The following CFAP299 variants were observed in gnomAD, a reference collection of about 807,000 sequenced individuals.
CFAP299 encodes cilia and flagella associated protein 299.
In CFAP299, 21 loss-of-function variants were observed where a neutral mutation model predicts 27.0. The ratio of observed to expected loss-of-function variants is 0.78; its 90% CI spans 0.55 to 1.12. The LOEUF (loss-of-function observed/expected upper bound fraction) is 1.12, where lower values mean the gene tolerates loss of function less well. CFAP299 is among the 50% of genes most tolerant of loss of function. The probability of loss-of-function intolerance (pLI) is 0.00; values close to 1 mark genes in which losing one functional copy is unlikely to be tolerated. For missense variants in CFAP299, 310 were observed against 276.6 expected, an observed-to-expected ratio of 1.12 and a Z score of -0.86; for synonymous variants, 104 against 98.1, an observed-to-expected ratio of 1.06 and a Z score of -0.36.
intron 1 of CFAP299, among the ~76,000 whole-genome samples, chr4:80,351,567 G>A (rs146544578): frequency 0.02 from 2,968 of 151,612 alleles, 67 homozygotes; most frequent in Admixed American, 0.069. Context: ...AAAGCAAATG[G>A]GACTAATAAG....
chr4:80,795,423 G>T (rs1727799972), intron 3 of CFAP299, among the ~76,000 whole-genome samples: 1 of 152,186 alleles, frequency 6.6e-6, no homozygotes, highest in Non-Finnish European at 1.5e-5. Flanking sequence ...GTCCTAGAAA[G>T]GGGCTGTAGT....
intron 2 of CFAP299, among the ~76,000 whole-genome samples, chr4:80,508,891 G>A (rs1732159423): frequency 6.6e-6 from 1 of 152,156 alleles, no homozygotes; most frequent in Admixed American, 6.5e-5. Context: ...GTGGAACACA[G>A]CTCTCCAGAC....
At chr4:80,394,522 A>G (rs1433460709) in intron 2 of CFAP299, among the ~76,000 whole-genome samples, 1 of 151,446 alleles carries the variant, frequency 6.6e-6, no homozygotes, top group Non-Finnish European at 1.5e-5. Context: ...GAAGCTTTTT[A>G]CCTATGTTTT....
intron 2 of CFAP299, among the ~76,000 whole-genome samples, chr4:80,412,284 T>TC (rs1491464484): frequency 6.6e-6 from 1 of 151,772 alleles, no homozygotes; most frequent in Non-Finnish European, 1.5e-5. Context: ...TTTTTTTTTT[T>TC]TGCTTATTAA....
chr4:80,924,534 GTGTGTA>G (rs1422145615), intron 4 of CFAP299, among the ~76,000 whole-genome samples: 96 of 132,042 alleles, frequency 7.3e-4, no homozygotes, highest in African/African-American at 3.0e-3. Flanking sequence ...GTGTGTGTGT[GTGTGTA>G]TATATATATA....
At chr4:80,697,544 T>C (rs1721185281) in intron 3 of CFAP299, among the ~76,000 whole-genome samples, 1 of 152,204 alleles carries the variant, frequency 6.6e-6, no homozygotes, top group Non-Finnish European at 1.5e-5. Flanking sequence ...GAATCAATTG[T>C]TCTTAATCTT....
At chr4:80,759,306 A>G (rs1225628266) in intron 3 of CFAP299, among the ~76,000 whole-genome samples, 4 of 152,228 alleles carry the variant, frequency 2.6e-5, no homozygotes, top group Non-Finnish European at 5.9e-5. Flanking sequence ...AATGTGTACA[A>G]TAACTACATG....
intron 2 of CFAP299, among the ~76,000 whole-genome samples, chr4:80,474,699 A>G (rs1245896607): frequency 1.3e-5 from 2 of 152,240 alleles, no homozygotes; most frequent in Admixed American, 1.3e-4. Context: ...TAGTAATACA[A>G]ATAATGAAAA....
intron 4 of CFAP299, among the ~76,000 whole-genome samples, chr4:80,935,239 T>A (rs1455644466): frequency 6.6e-6 from 1 of 151,964 alleles, no homozygotes; most frequent in African/African-American, 2.4e-5. Flanking sequence ...CTGTACTTGG[T>A]ATAATTGCAT....
At chr4:80,498,393 T>C (rs1000500033) in intron 2 of CFAP299, among the ~76,000 whole-genome samples, 1 of 151,812 alleles carries the variant, frequency 6.6e-6, no homozygotes, top group African/African-American at 2.4e-5. Context: ...CTTAAACAAA[T>C]TAACAAGCAA....
chr4:80,631,471 T>C (rs1739200518), intron 3 of CFAP299, among the ~76,000 whole-genome samples: 1 of 152,084 alleles, frequency 6.6e-6, no homozygotes. Context: ...ATTTTGGGAT[T>C]CCTGGTTGTT....
intron 3 of CFAP299, among the ~76,000 whole-genome samples, chr4:80,866,420 G>A (rs1453446388): frequency 2.0e-5 from 3 of 152,042 alleles, no homozygotes; most frequent in Admixed American, 1.3e-4. Context: ...CAGGCAGGCA[G>A]GGAGTCTCTG....
chr4:80,327,714 A>ATATATATG, the CFAP299 span, among the ~76,000 whole-genome samples: 1 of 137,492 alleles, frequency 7.3e-6, no homozygotes, highest in Non-Finnish European at 1.5e-5. Context: ...ATATATATAT[A>ATATATATG]TATATATAAC....
intron 2 of CFAP299, among the ~76,000 whole-genome samples, chr4:80,450,447 A>G (rs1459040237): frequency 6.6e-6 from 1 of 152,166 alleles, no homozygotes; most frequent in Non-Finnish European, 1.5e-5. Context: ...AAATGCTTGG[A>G]AGAATATTAT....
chr4:80,670,874 A>G (rs1264700994), intron 3 of CFAP299, among the ~76,000 whole-genome samples: 1 of 152,162 alleles, frequency 6.6e-6, no homozygotes, highest in African/African-American at 2.4e-5. Context: ...TGTTCTTTGT[A>G]GATTCTGGAT....
intron 3 of CFAP299, among the ~76,000 whole-genome samples, chr4:80,810,021 A>G (rs1191293601): frequency 1.3e-5 from 2 of 152,048 alleles, no homozygotes; most frequent in East Asian, 1.9e-4. Context: ...CATATTAATA[A>G]TATATGTAAA....
Position 80,733,050 on chromosome 4 carries a change from A to C in CFAP299, c.334-136943A>C, listed in dbSNP as rs577397103. 1.5e-4 allele frequency among the ~76,000 whole-genome samples: 23 copies of C among 152,238 alleles called. No homozygotes were observed. In the South Asian group the frequency reaches 4.6e-3, roughly 30 times the overall value. ...TGTTGCTTATCATCTGTATGTGGCT[A>C]TAATTTTGAGATAATCATATAATAA... On this transcript the variant is annotated intron_variant, in intron 3 of 5. Coordinates refer to ENST00000358105, the MANE Select transcript of CFAP299 (RefSeq NM_152770.3).
intron 3 of CFAP299, among the ~76,000 whole-genome samples, chr4:80,691,782 T>C (rs1057475748): frequency 1.2e-4 from 18 of 152,216 alleles, no homozygotes; most frequent in Non-Finnish European, 2.5e-4. Context: ...CATGATTGTA[T>C]ATCTAGAAAA....
chr4:80,922,820 A>T (rs1189809584), intron 4 of CFAP299, among the ~76,000 whole-genome samples: 2 of 149,866 alleles, frequency 1.3e-5, no homozygotes, highest in East Asian at 1.9e-4. Context: ...TAAATGTTAA[A>T]ATGTTATAAA....
Sources: allele counts gnomAD v4.1 joint callset (sites outside exome capture counted in the v4.1 genomes callset), GRCh38; gene constraint gnomAD v4.1.1; transcripts MANE v1.5; gene names NCBI Gene and HGNC (gene_info 2026-07-23, HGNC 2026-07-21).